TOX: variants seen among roughly 807,000 people sequenced by gnomAD.
The protein encoded by TOX is thymocyte selection associated high mobility group box, also known as thymocyte selection-associated high mobility group box protein TOX.
In TOX, 11 loss-of-function variants were observed where a neutral mutation model predicts 53.7. The observed-to-expected ratio is 0.20, with a 90% CI of 0.13 to 0.34. The LOEUF (loss-of-function observed/expected upper bound fraction) is 0.34. TOX is among the 10% of genes least tolerant of loss of function. The pLI is 1.00. For missense variants in TOX, 570 were observed against 664.6 expected, an observed-to-expected ratio of 0.86 and a Z score of 1.56; for synonymous variants, 225 against 245.3, an observed-to-expected ratio of 0.92 and a Z score of 0.77.
At chr8:59,055,153 C>T (rs913283166) in intron 1 of TOX, among the ~76,000 whole-genome samples, 4 of 152,078 alleles carry the variant, frequency 2.6e-5, no homozygotes, top group African/African-American at 9.7e-5. Context: ...TTGTATACTC[C>T]TAGAGTTGAT....
intron 1 of TOX, among the ~76,000 whole-genome samples, chr8:59,052,250 T>G (rs915782599): frequency 1.8e-4 from 27 of 152,228 alleles, no homozygotes; most frequent in African/African-American, 6.5e-4. Flanking sequence ...CAATTAAACT[T>G]ACAATCATGC....
intron 1 of TOX, among the ~76,000 whole-genome samples, chr8:59,076,269 G>C (rs1012491351): frequency 1.3e-5 from 2 of 152,186 alleles, no homozygotes; most frequent in Admixed American, 6.5e-5. Context: ...AGCCTGGTGA[G>C]GAAGTGAAAA....
chr8:58,894,860 C>T lies in TOX; in HGVS notation c.412-43055G>A, dbSNP rs1811615100. Among the ~76,000 whole-genome samples the T allele has an allele frequency of 2.0e-5, 3 of 151,904 alleles. No individual in the cohort carries two copies. The South Asian group carries it at 6.2e-4, about 32-fold the overall frequency. ...GCAGTGAGCCGAGATCGCGCCACTG[C>T]ACTCCAGCCTGGGAGACAAAGTGAG... is the stretch of plus-strand genomic sequence containing the variant. On this transcript the variant is annotated intron_variant, in intron 3 of 8. Coordinates refer to ENST00000361421, the MANE Select transcript of TOX (RefSeq NM_014729.3).
intron 1 of TOX, among the ~76,000 whole-genome samples, chr8:58,993,862 C>T (rs1202308092): frequency 1.5e-5 from 2 of 137,782 alleles, no homozygotes; most frequent in African/African-American, 5.4e-5. Context: ...GGGGAAAAGG[C>T]ATCTTGCCAT....
chr8:59,014,534 C>A (rs1171079390), intron 1 of TOX, among the ~76,000 whole-genome samples: 1 of 152,138 alleles, frequency 6.6e-6, no homozygotes. Context: ...TATCGGCAGA[C>A]AAAGCAATCC....
At chr8:58,986,729 T>C (rs758079849) in intron 1 of TOX, among the ~76,000 whole-genome samples, 8 of 152,130 alleles carry the variant, frequency 5.3e-5, no homozygotes, top group Admixed American at 2.6e-4. Context: ...TCATCAATAA[T>C]ACATAAATAA....
intron 3 of TOX, among the ~76,000 whole-genome samples, chr8:58,936,742 A>G (rs185076358): frequency 3.7e-4 from 57 of 152,274 alleles, no homozygotes; most frequent in African/African-American, 1.3e-3. Flanking sequence ...CAGAAACAAC[A>G]AATTTAATCT....
intron 2 of TOX, among the ~76,000 whole-genome samples, chr8:58,954,960 T>C (rs1459929697): frequency 6.6e-6 from 1 of 152,166 alleles, no homozygotes; most frequent in Non-Finnish European, 1.5e-5. Flanking sequence ...AACTAATATG[T>C]TGAATTTGAG....
At chr8:58,830,449 C>T (rs192066022) in intron 5 of TOX, among the ~76,000 whole-genome samples, 12 of 152,226 alleles carry the variant, frequency 7.9e-5, no homozygotes, top group Admixed American at 7.2e-4. Flanking sequence ...TTTTGAAATG[C>T]TCTAAATACC....
chr8:58,943,553 T>C (rs1229952215), intron 2 of TOX, among the ~76,000 whole-genome samples: 1 of 151,610 alleles, frequency 6.6e-6, no homozygotes, highest in Non-Finnish European at 1.5e-5. Context: ...AAAGATCACT[T>C]GGTCCTTTCC....
intron 1 of TOX, among the ~76,000 whole-genome samples, chr8:58,998,152 T>C (rs1813596505): frequency 6.6e-6 from 1 of 152,142 alleles, no homozygotes; most frequent in African/African-American, 2.4e-5. Context: ...GTGGTGAGTA[T>C]ATGCATATTT....
chr8:59,054,517 G>A (rs1486645166), intron 1 of TOX, among the ~76,000 whole-genome samples: 1 of 152,090 alleles, frequency 6.6e-6, no homozygotes, highest in East Asian at 1.9e-4. Flanking sequence ...TAATTTACAG[G>A]CAAGAAAGGT....
At chr8:59,041,749 C>T (rs1199972349) in intron 1 of TOX, among the ~76,000 whole-genome samples, 1 of 152,182 alleles carries the variant, frequency 6.6e-6, no homozygotes, top group Non-Finnish European at 1.5e-5. Context: ...GAATTCTTGT[C>T]TTGGATCTGC....
intron 1 of TOX, among the ~76,000 whole-genome samples, chr8:59,070,568 G>T (rs1418221173): frequency 6.8e-6 from 1 of 147,298 alleles, no homozygotes; most frequent in South Asian, 2.2e-4. Flanking sequence ...TAAGACTGAA[G>T]ATACAGAAGA....
At chr8:58,939,178 T>G (rs894728160) in intron 3 of TOX, 124 bp downstream of exon 3, 29 of 1,246,030 alleles carry the variant, frequency 2.3e-5, no homozygotes, top group Non-Finnish European at 3.3e-5. Flanking sequence ...TATAAATAAC[T>G]GTCTCCACAG....
chr8:59,087,430 A>C (rs1459127052), intron 1 of TOX, among the ~76,000 whole-genome samples: 1 of 152,228 alleles, frequency 6.6e-6, no homozygotes, highest in Non-Finnish European at 1.5e-5. Context: ...ACCTAACTTG[A>C]AATCAGATAC....
rs373802379 is a variant in TOX at position 58,897,032 on chromosome 8, A to G, written c.411+42270T>C. 7.9e-5 allele frequency among the ~76,000 whole-genome samples: 12 copies of G among 152,238 alleles called. No homozygotes were observed. The East Asian group carries it at 1.9e-3, about 24-fold the overall frequency. On this transcript the variant is annotated intron_variant, in intron 3 of 8. Coordinates refer to ENST00000361421, the MANE Select transcript of TOX (RefSeq NM_014729.3). ...TAGCTCTGAGTGTAATTCTTAAAAT[A>G]TTAACCCTGGAGATAATAATAAAAA...
intron 1 of TOX, among the ~76,000 whole-genome samples, chr8:59,060,550 C>T (rs1803964574): frequency 6.6e-6 from 1 of 152,166 alleles, no homozygotes; most frequent in South Asian, 2.1e-4. Context: ...TTGCTTGAAC[C>T]CAGGAGGCGG....
Position 58,815,571 on chromosome 8 carries a change from C to A in TOX, c.1159G>T (p.Ala387Ser). 1 of 1,614,044 alleles carries A rather than the reference C, an allele frequency of 6.2e-7. No homozygotes were observed. The highest frequency in any genetic ancestry group is 8.5e-7 in the Non-Finnish European group (1 of 1,180,002). ...QQPGMNPHLT[A>S]MHPSLPRNIA... ...TTCCTGGGGAGACTAGGATGCATGG[C>A]AGTTAGGTGAGGATTCATTCCCGGT... Residue 387 changes from alanine (A) to serine (S), a missense_variant, in exon 7 of 9, where the codon GCC (alanine) becomes TCC (serine). Coordinates refer to ENST00000361421, the MANE Select transcript of TOX (RefSeq NM_014729.3).
Sources: gnomAD v4.1 joint callset for allele counts (sites outside exome capture counted in the v4.1 genomes callset) on GRCh38, gnomAD v4.1.1 for gene constraint, MANE v1.5 for transcripts, NCBI Gene and HGNC (gene_info 2026-07-23, HGNC 2026-07-21) for gene names.